The following KIF11 variants were observed in gnomAD, a reference collection of about 807,000 sequenced individuals.
KIF11 encodes the protein kinesin-like protein KIF11.
KIF11 carries 9 observed loss-of-function variants against 121.0 expected under a neutral mutation model. The ratio of observed to expected loss-of-function variants is 0.07; its 90% CI spans 0.04 to 0.13. KIF11 has a LOEUF of 0.13. KIF11 is among the 10% of genes least tolerant of loss of function. The pLI is 1.00. For synonymous variants in KIF11, 408 were observed against 421.0 expected, an observed-to-expected ratio of 0.97 and a Z score of 0.38; for missense variants, 846 against 1,217.5, an observed-to-expected ratio of 0.69 and a Z score of 4.54.
intron 21 of KIF11, among the ~76,000 whole-genome samples, chr10:92,653,040 G>A (rs1258889763): frequency 2.0e-5 from 3 of 152,128 alleles, no homozygotes; most frequent in African/African-American, 4.8e-5. Flanking sequence ...TATGAAATAG[G>A]TTTTACAAAT....
At chr10:92,609,890 C>G (rs988506859) in intron 6 of KIF11, among the ~76,000 whole-genome samples, 1 of 152,126 alleles carries the variant, frequency 6.6e-6, no homozygotes. Flanking sequence ...GTGTCTGCCA[C>G]TACGCCCAGC....
intron 17 of KIF11, among the ~76,000 whole-genome samples, chr10:92,640,514 C>A (rs147966617): frequency 0.043 from 6,595 of 152,318 alleles, 177 homozygotes; most frequent in Admixed American, 0.064. Context: ...TCACTGCAAG[C>A]TCCGCCTTCC....
At chr10:92,600,617 C>T (rs186077621) in intron 1 of KIF11, among the ~76,000 whole-genome samples, 4 of 151,354 alleles carry the variant, frequency 2.6e-5, no homozygotes, top group Non-Finnish European at 5.9e-5. Context: ...AAGCGATTCT[C>T]CTGCCTCAGC....
At chr10:92,635,246 A>C (rs76323423) in intron 14 of KIF11, among the ~76,000 whole-genome samples, 10 of 152,334 alleles carry the variant, frequency 6.6e-5, no homozygotes, top group Non-Finnish European at 1.3e-4. Context: ...AGGTTTTCTC[A>C]ATCACCCAAA....
At chr10:92,630,025 CAGAA>C in intron 11 of KIF11, 147 bp from the exon 12 acceptor site, 1 of 543,242 alleles carries the variant, frequency 1.8e-6, no homozygotes, top group Non-Finnish European at 3.2e-6. Flanking sequence ...AGTAAGATTA[CAGAA>C]AGAAACAGGA....
At chr10:92,605,801 G>A (rs1379270127) in intron 1 of KIF11, among the ~76,000 whole-genome samples, 1 of 148,502 alleles carries the variant, frequency 6.7e-6, no homozygotes, top group Non-Finnish European at 1.5e-5. Flanking sequence ...CAGATTTTAA[G>A]AATAGGAGAA....
chr10:92,639,077 C>T (rs75552139), intron 16 of KIF11, among the ~76,000 whole-genome samples: 3 of 152,150 alleles, frequency 2.0e-5, no homozygotes, highest in Non-Finnish European at 4.4e-5. Context: ...TTTTTAGCTC[C>T]AGTAATTGAT....
At chr10:92,609,589 G>A in intron 6 of KIF11, 80 bp downstream of exon 6, 2 of 1,438,714 alleles carry the variant, frequency 1.4e-6, no homozygotes, top group Non-Finnish European at 1.9e-6. Context: ...AAATTGGGGT[G>A]GGTCAGGGTA....
intron 21 of KIF11, among the ~76,000 whole-genome samples, chr10:92,651,508 T>TG (rs57998983): frequency 3.2e-5 from 1 of 30,942 alleles, no homozygotes; most frequent in Non-Finnish European, 5.2e-5. Flanking sequence ...GCTAATTTTG[T>TG]TTTTTTTTTT....
Position 92,640,077 on chromosome 10 carries a change from C to T in KIF11, c.2267+177C>T, listed in dbSNP as rs1453734276. On this transcript the variant is annotated intron_variant, in intron 17 of 21. Coordinates refer to ENST00000260731, the MANE Select transcript of KIF11 (RefSeq NM_004523.4). ...CATGCATATAAATGTCTTTTCATTG[C>T]GTATTTGTGCTCTCTTTTAAGACAT... 2.6e-5 allele frequency among the ~76,000 whole-genome samples: 4 copies of T among 151,964 alleles called. No homozygotes were observed. In the East Asian group the frequency reaches 5.8e-4, roughly 22 times the overall value.
intron 12 of KIF11, among the ~76,000 whole-genome samples, chr10:92,630,804 T>C (rs1196008753): frequency 2.0e-5 from 3 of 147,486 alleles, no homozygotes; most frequent in Non-Finnish European, 4.4e-5. Flanking sequence ...GAGGCAGAGG[T>C]TGCGGTGAGC....
In KIF11 at chr10:92,645,288, G is replaced by A. The variant is rs1173363178; in HGVS notation, c.2268-75G>A. ...CGTTCAGATCTGCCACTTAAGAGCT[G>A]AGTGATCTTGGGAAGTTATATATCC... On this transcript the variant is annotated intron_variant, in intron 17 of 21. Coordinates refer to ENST00000260731, the MANE Select transcript of KIF11 (RefSeq NM_004523.4). 13 of 1,081,494 alleles carry A rather than the reference G, an allele frequency of 1.2e-5. No homozygotes were observed. In the East Asian group the frequency reaches 2.2e-4, roughly 18 times the overall value. The allele number at this position is 1,081,494 out of a possible 1,614,324, so 67.0% of individuals were successfully genotyped here.
At chr10:92,621,900 T>A (rs376010133) in intron 10 of KIF11, among the ~76,000 whole-genome samples, 1 of 152,220 alleles carries the variant, frequency 6.6e-6, no homozygotes, top group Non-Finnish European at 1.5e-5. Flanking sequence ...AATCATTAAT[T>A]CATGTGAAGT....
At chr10:92,642,800 C>T (rs1844878982) in intron 17 of KIF11, among the ~76,000 whole-genome samples, 1 of 152,138 alleles carries the variant, frequency 6.6e-6, no homozygotes, top group Non-Finnish European at 1.5e-5. Context: ...ATGATGTATC[C>T]TTCTCCATCT....
chr10:92,604,549 A>G (rs1046462662), intron 1 of KIF11, among the ~76,000 whole-genome samples: 3 of 152,180 alleles, frequency 2.0e-5, no homozygotes, highest in Non-Finnish European at 4.4e-5. Flanking sequence ...GGCAAATGAA[A>G]GCATTACCAG....
chr10:92,640,878 C>G (rs746440246), intron 17 of KIF11, among the ~76,000 whole-genome samples: 8 of 152,152 alleles, frequency 5.3e-5, no homozygotes, highest in Non-Finnish European at 1.2e-4. Context: ...TCCCGAGTAG[C>G]TGGGATTACA....
chr10:92,630,506 T>C (rs538513577), intron 12 of KIF11, 142 bp downstream of exon 12: 46 of 480,532 alleles, frequency 9.6e-5, no homozygotes, highest in Non-Finnish European at 1.5e-4. Flanking sequence ...TACTATTTCA[T>C]CCATGTTTTT....
chr10:92,631,590 T>C (rs1209233369), intron 12 of KIF11, among the ~76,000 whole-genome samples: 2 of 150,978 alleles, frequency 1.3e-5, no homozygotes, highest in Non-Finnish European at 3.0e-5. Flanking sequence ...CTCGATCTCC[T>C]GACCTCATGA....
Position 92,650,489 on chromosome 10 carries a change from C to G in KIF11, c.3011C>G (p.Ser1004Ter). The change falls in exon 21 of 22, where the codon TCA becomes TGA. Residue 1004 changes from serine (S) to a stop codon, truncating the protein, a stop_gained. Transcript: ENST00000260731. LOFTEE classifies it high-confidence loss of function. ...EPSVDAGVDC[S>*]SIGGVPFFQH... ...TCTGTAGATGCTGGTGTGGATTGTT[C>G]ATCAATTGGCGGGGTTCCATTTTTC... 6.2e-7 allele frequency: 1 copy of G among 1,611,530 alleles called. No homozygotes were observed.
Sources: gnomAD v4.1 joint callset for allele counts (sites outside exome capture counted in the v4.1 genomes callset) on GRCh38, gnomAD v4.1.1 for gene constraint, MANE v1.5 for transcripts, NCBI Gene and HGNC (gene_info 2026-07-23, HGNC 2026-07-21) for gene names.